LRRC4C: variants seen among roughly 807,000 people sequenced by gnomAD.
LRRC4C encodes the protein leucine rich repeat containing 4C, also known as leucine-rich repeat-containing protein 4C.
A neutral mutation model predicts 33.6 loss-of-function variants in LRRC4C; 5 were observed. The observed-to-expected ratio is 0.15, with a 90% CI of 0.08 to 0.31. The LOEUF (loss-of-function observed/expected upper bound fraction) is 0.31, where lower values mean the gene tolerates loss of function less well. Among genes scored for constraint, LRRC4C ranks in the 10% least tolerant of loss-of-function variants. The pLI is 1.00. For missense variants in LRRC4C, 560 were observed against 796.7 expected (o/e 0.70, Z 3.58); for synonymous variants, 329 against 302.0 (o/e 1.09, Z -0.93).
intron 3 of LRRC4C, among the ~76,000 whole-genome samples, chr11:40,512,619 A>G (rs1490350138): frequency 6.6e-6 from 1 of 152,152 alleles, no homozygotes; most frequent in Non-Finnish European, 1.5e-5. Context: ...CCCATGTAAC[A>G]CCAGAGCATC....
intron 1 of LRRC4C, among the ~76,000 whole-genome samples, chr11:40,957,128 A>G (rs1209271528): frequency 6.6e-6 from 1 of 151,902 alleles, no homozygotes; most frequent in East Asian, 1.9e-4. Context: ...GACACTTGAC[A>G]TTTTTGGCAA....
chr11:41,061,029 C>A (rs1478451528), intron 1 of LRRC4C, among the ~76,000 whole-genome samples: 1 of 151,898 alleles, frequency 6.6e-6, no homozygotes, highest in Non-Finnish European at 1.5e-5. Flanking sequence ...CAAATCAACT[C>A]AAATATCCCT....
chr11:41,156,036 T>C (rs893050730), intron 1 of LRRC4C, among the ~76,000 whole-genome samples: 1 of 152,158 alleles, frequency 6.6e-6, no homozygotes, highest in Non-Finnish European at 1.5e-5. Context: ...TTTTCTGTTT[T>C]GTTATTCAGC....
At chr11:40,566,086 G>GTTTTT in intron 3 of LRRC4C, among the ~76,000 whole-genome samples, 27 of 62,746 alleles carry the variant, frequency 4.3e-4, no homozygotes, top group East Asian at 1.3e-3. Flanking sequence ...TTTTTACTAA[G>GTTTTT]TTTTTTTTTT....
intron 3 of LRRC4C, among the ~76,000 whole-genome samples, chr11:40,591,536 A>G (rs1177765445): frequency 2.0e-5 from 3 of 152,220 alleles, no homozygotes; most frequent in Admixed American, 2.0e-4. Context: ...TTACGTGACA[A>G]CTTCTCAGGT....
At chr11:40,465,739 A>G (rs918318011) in intron 3 of LRRC4C, among the ~76,000 whole-genome samples, 1 of 152,048 alleles carries the variant, frequency 6.6e-6, no homozygotes, top group Admixed American at 6.6e-5. Context: ...AATTAAAACC[A>G]GAGTAAGACA....
chr11:40,238,257 C>A (rs1012457099), intron 5 of LRRC4C, among the ~76,000 whole-genome samples: 1 of 152,312 alleles, frequency 6.6e-6, no homozygotes, highest in Admixed American at 6.5e-5. Context: ...AATTCCTCAA[C>A]AGAGCCCTGC....
In LRRC4C at chr11:40,224,420, G is replaced by A. The variant is rs186568388; in HGVS notation, c.-96+17099C>T. ...TTGCCTGACTTTTTCAGTGTTCTCC[G>A]ATTTACACCTTTCAAGACGTGTGGT... On this transcript the variant is annotated intron_variant, in intron 5 of 6. Transcript: ENST00000528697. 8.5e-5 allele frequency among the ~76,000 whole-genome samples: 13 copies of A among 152,184 alleles called. No individual in the cohort carries two copies. In the East Asian group the frequency reaches 2.1e-3, roughly 25 times the overall value.
At chr11:41,332,709 T>G (rs548754069) in intron 1 of LRRC4C, among the ~76,000 whole-genome samples, 1 of 152,376 alleles carries the variant, frequency 6.6e-6, no homozygotes, top group African/African-American at 2.4e-5. Flanking sequence ...TATCTTTCAC[T>G]TGTGCGAACT....
At chr11:41,386,282 T>C (rs1234503959) in intron 1 of LRRC4C, among the ~76,000 whole-genome samples, 3 of 151,388 alleles carry the variant, frequency 2.0e-5, no homozygotes, top group Non-Finnish European at 4.4e-5. Flanking sequence ...AAGTTGAGAT[T>C]ATGAGTGCTT....
rs889495668 is a variant in LRRC4C, at chr11:41,314,063, G to C, written c.-496+145368C>G. Among the ~76,000 whole-genome samples, 19 of 152,108 alleles carry C rather than the reference G, an allele frequency of 1.2e-4. 1 individual carries two copies. The highest frequency in any genetic ancestry group is 1.2e-3 in the Admixed American group (19 of 15,264). ...TCCAAGGGACTTGGGAATAGATTGA[G>C]GTAAGGGGCTGGGGGTAGATTGGGA... is the stretch of plus-strand genomic sequence containing the variant. On this transcript the variant is annotated intron_variant, in intron 1 of 6. Coordinates refer to ENST00000528697, the MANE Select transcript of LRRC4C (RefSeq NM_001258419.2).
At chr11:41,226,332 C>T (rs191504841) in intron 1 of LRRC4C, among the ~76,000 whole-genome samples, 179 of 152,244 alleles carry the variant, frequency 1.2e-3, no homozygotes, top group Non-Finnish European at 2.4e-4. Flanking sequence ...AAAGAAACAT[C>T]CCTCATGGAG....
intron 2 of LRRC4C, among the ~76,000 whole-genome samples, chr11:40,879,403 T>C (rs544916948): frequency 1.3e-4 from 20 of 152,276 alleles, no homozygotes; most frequent in African/African-American, 4.8e-4. Context: ...GGAAAGATGA[T>C]GGCTTACTTG....
At chr11:40,526,834 TA>T (rs1259311754) in intron 3 of LRRC4C, among the ~76,000 whole-genome samples, 1 of 152,170 alleles carries the variant, frequency 6.6e-6, no homozygotes, top group Admixed American at 6.5e-5. Context: ...TGTATTCATA[TA>T]ATGAATACAG....
chr11:40,621,106 C>G (rs11035963), intron 3 of LRRC4C, among the ~76,000 whole-genome samples: 127 of 151,756 alleles, frequency 8.4e-4, no homozygotes, highest in African/African-American at 3.0e-3. Flanking sequence ...CTTTTCATCT[C>G]TCTATTATAA....
chr11:41,400,771 G>C (rs1305024611), intron 1 of LRRC4C, among the ~76,000 whole-genome samples: 2 of 151,840 alleles, frequency 1.3e-5, no homozygotes, highest in Admixed American at 6.6e-5. Context: ...TTAGACCTCA[G>C]TCTTCTTGTT....
intron 1 of LRRC4C, among the ~76,000 whole-genome samples, chr11:40,945,241 C>G (rs1382515510): frequency 8.8e-6 from 1 of 113,848 alleles, no homozygotes; most frequent in Non-Finnish European, 1.9e-5. Context: ...TGGATGGTCT[C>G]GATCTCCTGA....
chr11:40,352,920 G>T (rs1349325978), intron 3 of LRRC4C, among the ~76,000 whole-genome samples: 4 of 152,114 alleles, frequency 2.6e-5, no homozygotes, highest in Non-Finnish European at 4.4e-5. Flanking sequence ...GACCTGTAAG[G>T]TTTCCACTGA....
chr11:41,228,231 C>T (rs1036837555), intron 1 of LRRC4C, among the ~76,000 whole-genome samples: 5 of 151,966 alleles, frequency 3.3e-5, no homozygotes, highest in African/African-American at 1.2e-4. Context: ...TCAATTTTCT[C>T]TTACTGATTT....
Sources: gnomAD v4.1 joint callset for allele counts (sites outside exome capture counted in the v4.1 genomes callset) on GRCh38, gnomAD v4.1.1 for gene constraint, MANE v1.5 for transcripts, NCBI Gene and HGNC (gene_info 2026-07-23, HGNC 2026-07-21) for gene names.